Variants in RANBP3 observed in about 807,000 individuals in gnomAD.
The protein encoded by RANBP3 is RAN binding protein 3.
A neutral mutation model predicts 77.3 loss-of-function variants in RANBP3; 14 were observed. The observed-to-expected ratio is 0.18, with a 90% CI of 0.12 to 0.28. The LOEUF is 0.28. RANBP3 is among the 10% of genes least tolerant of loss of function. The pLI is 1.00. For synonymous variants in RANBP3, 315 were observed against 312.4 expected (o/e 1.01, Z -0.09); for missense variants, 586 against 752.3 (o/e 0.78, Z 2.59).
intron 5 of RANBP3, 118 bp downstream of exon 5, chr19:5,941,503 A>T (rs2058136356): frequency 3.3e-6 from 3 of 899,522 alleles, no homozygotes; most frequent in Non-Finnish European, 5.3e-6. Context: ...CGAGCCTCAG[A>T]TCGACTCTAA....
intron 8 of RANBP3, among the ~76,000 whole-genome samples, chr19:5,931,083 C>T (rs1280683637): frequency 1.3e-5 from 2 of 152,198 alleles, no homozygotes; most frequent in African/African-American, 4.8e-5. Context: ...GGATCACTCC[C>T]GTGAGACATG....
intron 8 of RANBP3, among the ~76,000 whole-genome samples, chr19:5,929,114 G>A (rs1313560334): frequency 1.3e-5 from 2 of 152,176 alleles, no homozygotes; most frequent in African/African-American, 2.4e-5. Context: ...CAGAATCAGC[G>A]GATCACAGCG....
intron 8 of RANBP3, among the ~76,000 whole-genome samples, chr19:5,930,551 C>T (rs1167707313): frequency 6.6e-6 from 1 of 152,198 alleles, no homozygotes; most frequent in Admixed American, 6.5e-5. Flanking sequence ...ATAATCCAAA[C>T]CATACCCCCG....
intron 7 of RANBP3, 85 bp downstream of exon 7, chr19:5,932,367 G>T: frequency 9.6e-7 from 1 of 1,045,174 alleles, no homozygotes; most frequent in Non-Finnish European, 1.5e-6. Context: ...AGTCACCTCT[G>T]TCGCAACACT....
chr19:5,956,559 C>A (rs1161511433), intron 2 of RANBP3, among the ~76,000 whole-genome samples: 5 of 152,202 alleles, frequency 3.3e-5, no homozygotes, highest in African/African-American at 1.2e-4. Context: ...GGGAAAGTTT[C>A]ATGAGTTAAA....
chr19:5,925,691 T>C lies in RANBP3; in HGVS notation c.860A>G (p.His287Arg), dbSNP rs1293214768. 3 of 1,613,016 alleles carry C rather than the reference T, an allele frequency of 1.9e-6. No homozygotes were observed. The highest frequency in any genetic ancestry group is 2.5e-6 in the Non-Finnish European group (3 of 1,179,860). Residue 287 changes from histidine (H) to arginine (R), a missense_variant, in exon 10 of 17, where the codon CAC becomes CGC. His to Arg is a conservative substitution (Grantham distance 29). Around this residue, in one of 5 missense-constraint regions of RANBP3, gnomAD observed 232 missense variants for 271.7 expected, o/e 0.85. Transcript: ENST00000340578. ...TGCGGTTGGCGTGTCTGCGCTGGGG[T>C]GTCCAGCATTCTCCATGTCGGCTTC... is the stretch of plus-strand genomic sequence containing the variant. ...VDEADMENAG[H>R]PSADTPTATN...
At chr19:5,941,544 G>C (rs369792139) in intron 5 of RANBP3, 77 bp downstream of exon 5, 5 of 1,280,872 alleles carry the variant, frequency 3.9e-6, no homozygotes, top group Non-Finnish European at 5.6e-6. Flanking sequence ...CACAGCAGAC[G>C]GATGCGCGGC....
chr19:5,968,975 T>C (rs1482779209), intron 1 of RANBP3, among the ~76,000 whole-genome samples: 1 of 151,974 alleles, frequency 6.6e-6, no homozygotes, highest in East Asian at 1.9e-4. Context: ...AGTGAGTGAA[T>C]GGGTAAGGCC....
intron 8 of RANBP3, among the ~76,000 whole-genome samples, chr19:5,929,095 T>C (rs1301529985): frequency 6.6e-6 from 1 of 152,184 alleles, no homozygotes; most frequent in Non-Finnish European, 1.5e-5. Flanking sequence ...GGAGTTACAA[T>C]GCCAGGCCCA....
chr19:5,966,028 G>C (rs991528435), intron 1 of RANBP3: 2 of 152,240 alleles, frequency 1.3e-5, no homozygotes, highest in African/African-American at 4.8e-5. Context: ...CCATGCTCCT[G>C]AGTGCCACGC....
intron 12 of RANBP3, 123 bp downstream of exon 12, chr19:5,923,689 A>T (rs1162427112): frequency 1.4e-6 from 1 of 716,624 alleles, no homozygotes; most frequent in Non-Finnish European, 2.4e-6. Flanking sequence ...GCTGGTTCAC[A>T]TGTGGTTGTT....
At chr19:5,929,060 G>A (rs1052798234) in intron 8 of RANBP3, among the ~76,000 whole-genome samples, 2 of 152,212 alleles carry the variant, frequency 1.3e-5, no homozygotes, top group African/African-American at 4.8e-5. Flanking sequence ...GACTGGCTCA[G>A]CGTGTCCAGC....
intron 3 of RANBP3, among the ~76,000 whole-genome samples, chr19:5,944,670 G>A (rs1173182016): frequency 6.6e-6 from 1 of 152,214 alleles, no homozygotes; most frequent in African/African-American, 2.4e-5. Flanking sequence ...AATGCTCTGT[G>A]CAGGTCACTG....
chr19:5,953,042 T>A (rs1050784155), intron 2 of RANBP3, among the ~76,000 whole-genome samples: 20 of 152,280 alleles, frequency 1.3e-4, no homozygotes, highest in Admixed American at 1.2e-3. Context: ...GAAATGTAAA[T>A]ATTCAAACAT....
chr19:5,957,348 AC>A (rs896524289), intron 2 of RANBP3, among the ~76,000 whole-genome samples: 2 of 152,164 alleles, frequency 1.3e-5, no homozygotes, highest in African/African-American at 4.8e-5. Context: ...GGTACTTCCA[AC>A]CACACTGCGA....
chr19:5,931,523 T>C lies in RANBP3; in HGVS notation c.574A>G (p.Ser192Gly). Residue 192 changes from serine (S) to glycine (G), a missense_variant, in exon 8 of 17, where the codon AGT (serine) becomes GGT (glycine). By Grantham distance (56) the Ser-to-Gly change is moderately conservative. This residue lies in a region of RANBP3 where 232 missense variants were observed against 271.7 expected (regional missense o/e 0.85). Transcript: ENST00000340578. ...PKALSQTVPS[S>G]GTNGVSLPAD... ...GGGAGGCTGACCCCGTTGGTGCCAC[T>C]GCTGGGGACTGTGGGAGGGAAGGAG... is the stretch of plus-strand genomic sequence containing the variant. The C allele has an allele frequency of 1.2e-6, 2 of 1,607,986 alleles. No homozygotes were observed. The highest frequency in any genetic ancestry group is 1.7e-6 in the Non-Finnish European group (2 of 1,176,046).
intron 15 of RANBP3, 109 bp downstream of exon 15, chr19:5,918,387 A>AGGGGGGGGGGGGGGGGGGGGGGCGGGG: frequency 1.9e-6 from 1 of 529,920 alleles, no homozygotes; most frequent in East Asian, 5.3e-5. Flanking sequence ...AAGCAACTGA[A>AGGGGGGGGGGGGGGGGGGGGGGCGGGG]GCCCCTCCCC....
intron 3 of RANBP3, 134 bp downstream of exon 3, chr19:5,951,259 C>T (rs1457457921): frequency 2.3e-6 from 2 of 864,574 alleles, no homozygotes; most frequent in Non-Finnish European, 3.7e-6. Context: ...GGAAGAAATC[C>T]TTGTCATCTT....
At chr19:5,923,753 C>G in intron 12 of RANBP3, 59 bp downstream of exon 12, 2 of 1,406,906 alleles carry the variant, frequency 1.4e-6, no homozygotes, top group South Asian at 1.2e-5. Flanking sequence ...GTGAATGGAC[C>G]CAGCATCCCC....
Sources: gnomAD v4.1 joint callset for allele counts (sites outside exome capture counted in the v4.1 genomes callset) on GRCh38, gnomAD v4.1.1 for gene constraint, gnomAD v4.1.1 regional missense constraint, MANE v1.5 for transcripts, NCBI Gene and HGNC (gene_info 2026-07-23, HGNC 2026-07-21) for gene names.